Variants in SLC9A2 observed in about 807,000 individuals in gnomAD.
SLC9A2 encodes the protein solute carrier family 9 member A2, also known as sodium/hydrogen exchanger 2.
Under a neutral mutation model 71.7 loss-of-function variants are expected in SLC9A2, and 42 were observed. That is an observed-to-expected ratio of 0.59 (90% CI 0.46 to 0.76). SLC9A2 has a LOEUF of 0.76. Among genes scored for constraint, SLC9A2 ranks in the 30% least tolerant of loss-of-function variants. The pLI is 0.00. For missense variants in SLC9A2, 829 were observed against 1,017.4 expected, an observed-to-expected ratio of 0.81 and a Z score of 2.52; for synonymous variants, 396 against 392.5, an observed-to-expected ratio of 1.01 and a Z score of -0.10.
intron 5 of SLC9A2, among the ~76,000 whole-genome samples, chr2:102,691,647 G>A (rs13398866): frequency 1.5e-3 from 230 of 152,258 alleles, no homozygotes; most frequent in Non-Finnish European, 2.3e-3. Context: ...TAAAAAGGGC[G>A]ACGATTAAAA....
intron 1 of SLC9A2, among the ~76,000 whole-genome samples, chr2:102,624,719 C>T (rs1676211650): frequency 6.6e-6 from 1 of 152,072 alleles, no homozygotes; most frequent in Non-Finnish European, 1.5e-5. Flanking sequence ...TTTTCTCTGC[C>T]CCTAAGTTGG....
At chr2:102,700,906 T>C (rs1376011469) in intron 7 of SLC9A2, among the ~76,000 whole-genome samples, 164 bp from the exon 8 acceptor site, 2 of 152,102 alleles carry the variant, frequency 1.3e-5, no homozygotes, top group African/African-American at 4.8e-5. Context: ...CACATATACA[T>C]ATATACAGGT....
intron 1 of SLC9A2, among the ~76,000 whole-genome samples, chr2:102,650,413 G>A (rs1256012111): frequency 1.3e-5 from 2 of 152,066 alleles, no homozygotes; most frequent in East Asian, 3.9e-4. Context: ...GATGGGTGCA[G>A]CAAACCACAA....
chr2:102,686,782 TG>T, intron 5 of SLC9A2: 1 of 152,864 alleles, frequency 6.5e-6, no homozygotes, highest in Non-Finnish European at 1.5e-5. Context: ...AGGCTGGAAG[TG>T]GGGAAGTTCA....
chr2:102,636,744 A>G (rs1049601862), intron 1 of SLC9A2, among the ~76,000 whole-genome samples: 3 of 152,170 alleles, frequency 2.0e-5, no homozygotes, highest in Non-Finnish European at 4.4e-5. Context: ...CTGGCATGGG[A>G]AGTTCTGACT....
intron 7 of SLC9A2, among the ~76,000 whole-genome samples, chr2:102,700,735 CTGTAATTA>C (rs1268780304): frequency 6.6e-6 from 1 of 152,022 alleles, no homozygotes; most frequent in Non-Finnish European, 1.5e-5. Flanking sequence ...GTATTTTAAT[CTGTAATTA>C]ATGAATACTA....
chr2:102,696,087 C>G (rs1311015896), intron 7 of SLC9A2, among the ~76,000 whole-genome samples: 2 of 151,854 alleles, frequency 1.3e-5, no homozygotes, highest in Non-Finnish European at 2.9e-5. Flanking sequence ...CAGTGGGGTA[C>G]AGGAGCCAGC....
At chr2:102,641,756 C>T (rs1676585623) in intron 1 of SLC9A2, among the ~76,000 whole-genome samples, 1 of 152,116 alleles carries the variant, frequency 6.6e-6, no homozygotes, top group African/African-American at 2.4e-5. Context: ...GTGCCTGACA[C>T]ATTTCATGAT....
chr2:102,699,907 T>C (rs1365662581), intron 7 of SLC9A2, among the ~76,000 whole-genome samples: 1 of 152,148 alleles, frequency 6.6e-6, no homozygotes, highest in East Asian at 1.9e-4. Context: ...CTCTTCTTTT[T>C]ATAAGTACAC....
intron 3 of SLC9A2, among the ~76,000 whole-genome samples, chr2:102,675,945 A>G (rs932384089): frequency 6.6e-6 from 1 of 152,240 alleles, no homozygotes; most frequent in African/African-American, 2.4e-5. Flanking sequence ...CATGGACAGA[A>G]TCCCAGGCCT....
At chr2:102,643,907 T>A (rs1484965498) in intron 1 of SLC9A2, among the ~76,000 whole-genome samples, 1 of 117,710 alleles carries the variant, frequency 8.5e-6, no homozygotes, top group African/African-American at 3.1e-5. Context: ...TTTCATTTTC[T>A]TACTTTTTTT....
intron 7 of SLC9A2, chr2:102,697,252 G>A (rs1489636273): frequency 6.6e-6 from 1 of 152,232 alleles, no homozygotes; most frequent in Non-Finnish European, 1.5e-5. Flanking sequence ...CTGGTCCTGG[G>A]GCACTGTCAG....
chr2:102,693,929 A>C (rs766719999), intron 5 of SLC9A2, among the ~76,000 whole-genome samples: 49 of 152,164 alleles, frequency 3.2e-4, no homozygotes, highest in Admixed American at 9.8e-4. Context: ...ATAATACAAC[A>C]AGTAGGTGAT....
chr2:102,659,483 G>T (rs943299130), intron 2 of SLC9A2, among the ~76,000 whole-genome samples: 15 of 151,850 alleles, frequency 9.9e-5, no homozygotes, highest in Admixed American at 2.6e-4. Flanking sequence ...CATAGAAACC[G>T]ATTTATTCTC....
intron 3 of SLC9A2, among the ~76,000 whole-genome samples, chr2:102,673,253 C>T (rs1330176255): frequency 6.6e-6 from 1 of 152,056 alleles, no homozygotes; most frequent in Non-Finnish European, 1.5e-5. Flanking sequence ...AGCAGAAAAG[C>T]TCATTTTCTA....
chr2:102,647,772 C>T (rs1676755420), intron 1 of SLC9A2, among the ~76,000 whole-genome samples: 1 of 152,144 alleles, frequency 6.6e-6, no homozygotes, highest in Non-Finnish European at 1.5e-5. Flanking sequence ...TTCACATACA[C>T]CCTCCCAAGA....
chr2:102,683,213 A>G (rs1677488162), intron 3 of SLC9A2, 48 bp from the exon 4 acceptor site: 1 of 1,368,032 alleles, frequency 7.3e-7, no homozygotes, highest in African/African-American at 1.4e-5. Flanking sequence ...TTGCATTCTG[A>G]TTAAGATCAT....
Position 102,702,487 on chromosome 2 carries a change from T to A in SLC9A2, c.1830T>A (p.Tyr610Ter). The change falls in exon 9 of 12, where the codon TAT becomes TAA. Residue 610 changes from tyrosine to a stop codon, truncating the protein, a stop_gained. Transcript: ENST00000233969. LOFTEE classifies it high-confidence loss of function. ...EIRELLSRNL[Y>*]QIRQRTLSYN... Reference sequence around the variant, plus strand: ...GAGAACTCTTATCAAGAAATCTCTATCAAATCCGTCAGCGAGTAAGAATAA... The same window carrying A: ...GAGAACTCTTATCAAGAAATCTCTAACAAATCCGTCAGCGAGTAAGAATAA... The A allele has an allele frequency of 6.3e-7, 1 of 1,578,734 alleles. No individual in the cohort carries two copies. The highest frequency in any genetic ancestry group is 8.6e-7 in the Non-Finnish European group (1 of 1,156,702).
chr2:102,659,274 C>CAA (rs11297336), intron 2 of SLC9A2, among the ~76,000 whole-genome samples: 13 of 130,432 alleles, frequency 1.0e-4, no homozygotes, highest in Admixed American at 2.3e-4. Flanking sequence ...ACTAAAAATA[C>CAA]AAAAAAAAAA....
Sources: gnomAD v4.1 joint callset for allele counts (sites outside exome capture counted in the v4.1 genomes callset) on GRCh38, gnomAD v4.1.1 for gene constraint, MANE v1.5 for transcripts, NCBI Gene and HGNC (gene_info 2026-07-23, HGNC 2026-07-21) for gene names.